Variants in OR56A3 observed in about 807,000 individuals in gnomAD.
OR56A3 encodes olfactory receptor 56A3.
Under a neutral mutation model 17.5 loss-of-function variants are expected in OR56A3, and 23 were observed. The ratio of observed to expected loss-of-function variants is 1.32; its 90% CI spans 0.95 to 1.87. OR56A3 has a LOEUF of 1.87. OR56A3 is among the 40% of genes most tolerant of loss of function. The probability of loss-of-function intolerance (pLI) is 0.00; values close to 1 mark genes in which losing one functional copy is unlikely to be tolerated. For synonymous variants in OR56A3, 175 were observed against 150.6 expected, an observed-to-expected ratio of 1.16 and a Z score of -1.19; for missense variants, 366 against 380.1, an observed-to-expected ratio of 0.96 and a Z score of 0.31.
the OR56A3 span, among the ~76,000 whole-genome samples, chr11:5,975,843 A>G: frequency 1.3e-5 from 2 of 152,004 alleles, no homozygotes; most frequent in East Asian, 1.9e-4. Flanking sequence ...AAGTGTTCCT[A>G]TTTCTCCACA....
At chr11:5,958,754 T>C in the OR56A3 span, among the ~76,000 whole-genome samples, 1 of 152,192 alleles carries the variant, frequency 6.6e-6, no homozygotes, top group Non-Finnish European at 1.5e-5. Flanking sequence ...ATTGCAATTA[T>C]GTATCCTTTG....
intron 2 of OR56A3, among the ~76,000 whole-genome samples, chr11:5,947,011 C>T (rs1847873761): frequency 6.6e-6 from 1 of 152,174 alleles, no homozygotes; most frequent in South Asian, 2.1e-4. Context: ...AGAGTCTCAC[C>T]TGTCACACTA....
the OR56A3 span, among the ~76,000 whole-genome samples, chr11:5,987,896 T>C: frequency 6.6e-6 from 1 of 152,224 alleles, no homozygotes; most frequent in Admixed American, 6.5e-5. Context: ...CATGGGTTTT[T>C]TTTCTAAAAT....
At chr11:5,983,693 G>A in the OR56A3 span, among the ~76,000 whole-genome samples, 12 of 152,104 alleles carry the variant, frequency 7.9e-5, no homozygotes, top group Non-Finnish European at 7.4e-5. Context: ...TCTTCTCTCC[G>A]GTTTCTTCTC....
At chr11:5,946,487 AAAGGAAACTGG>A (rs1192454701) in intron 2 of OR56A3, among the ~76,000 whole-genome samples, 3 of 152,212 alleles carry the variant, frequency 2.0e-5, no homozygotes, top group Non-Finnish European at 4.4e-5. Flanking sequence ...TCAAGATGGA[AAAGGAAACTGG>A]AAGGAGACGG....
At chr11:5,967,826 A>G in the OR56A3 span, 1 of 1,566,028 alleles carries the variant, frequency 6.4e-7, no homozygotes, top group Non-Finnish European at 8.7e-7. Context: ...TTTTCAAGAT[A>G]AAAAAGTAAG....
Position 5,951,219 on chromosome 11 carries a change from G to T in OR56A3, c.*2925G>T, listed in dbSNP as rs72886992. 1 of 151,874 alleles carries T rather than the reference G, an allele frequency of 6.6e-6. No homozygotes were observed. Among genetic ancestry groups the T allele is most frequent in the Non-Finnish European group, 1.5e-5 (1 of 67,940 alleles). The allele number at this position is 151,874 out of a possible 1,614,324, so 9.4% of individuals were successfully genotyped here. A position where few individuals can be genotyped will look rare whatever the true frequency, so the allele number is the denominator to read the frequency against. On this transcript the variant is annotated 3_prime_UTR_variant, in exon 3 of 3. Coordinates refer to ENST00000641160, the MANE Select transcript of OR56A3 (RefSeq NM_001003443.3). ...AGATCCTAAGGAAGAATGTAAATGG[G>T]TATTTACTCATAACAAGTAAGGAAT...
the OR56A3 span, among the ~76,000 whole-genome samples, chr11:5,978,385 C>T: frequency 6.6e-6 from 1 of 152,210 alleles, no homozygotes; most frequent in Admixed American, 6.5e-5. Context: ...TAATTTCTTT[C>T]AGCAGTGTTT....
the OR56A3 span, among the ~76,000 whole-genome samples, chr11:5,973,698 G>C: frequency 2.6e-5 from 4 of 151,920 alleles, no homozygotes; most frequent in Non-Finnish European, 5.9e-5. Flanking sequence ...TTTTCTATCT[G>C]ACCACAAATC....
the OR56A3 span, among the ~76,000 whole-genome samples, chr11:5,993,013 T>C: frequency 6.6e-6 from 1 of 152,206 alleles, no homozygotes; most frequent in African/African-American, 2.4e-5. Context: ...CTTCCCAGTC[T>C]GGGAAGTTCG....
chr11:6,003,088 G>T, the OR56A3 span: 2 of 1,608,106 alleles, frequency 1.2e-6, no homozygotes, highest in Admixed American at 1.7e-5. Context: ...GTAGTAGAGT[G>T]TGGGTTTCCA....
At chr11:5,977,531 A>G in the OR56A3 span, among the ~76,000 whole-genome samples, 5 of 152,178 alleles carry the variant, frequency 3.3e-5, no homozygotes, top group Non-Finnish European at 7.4e-5. Flanking sequence ...GTGTCTGTTC[A>G]TGCCATTTGC....
the OR56A3 span, among the ~76,000 whole-genome samples, chr11:5,973,851 T>C: frequency 2.6e-4 from 39 of 152,262 alleles, no homozygotes; most frequent in African/African-American, 8.7e-4. Context: ...AGGGACAAGA[T>C]TGGGTATTTA....
At chr11:6,015,373 C>A in the OR56A3 span, among the ~76,000 whole-genome samples, 61,434 of 151,940 alleles carry the variant, frequency 0.4, 13,115 homozygotes, top group African/African-American at 0.54. Flanking sequence ...CAAAGTGGCT[C>A]AGGTATACCT....
chr11:5,975,588 T>G, the OR56A3 span, among the ~76,000 whole-genome samples: 1 of 152,138 alleles, frequency 6.6e-6, no homozygotes, highest in African/African-American at 2.4e-5. Context: ...GTGCCACATT[T>G]TCTTCATCCA....
the OR56A3 span, among the ~76,000 whole-genome samples, chr11:6,015,191 A>G: frequency 3.9e-5 from 6 of 151,970 alleles, no homozygotes; most frequent in Non-Finnish European, 5.9e-5. Context: ...GACAATGGGG[A>G]AAAAAAATCT....
the OR56A3 span, chr11:6,003,067 A>G: frequency 1.9e-6 from 3 of 1,613,504 alleles, no homozygotes; most frequent in Non-Finnish European, 2.5e-6. Flanking sequence ...CATAAAAAGT[A>G]CATTCTAGAC....
the OR56A3 span, chr11:6,017,005 C>G: frequency 6.6e-6 from 1 of 151,928 alleles, no homozygotes; most frequent in East Asian, 1.9e-4. Context: ...AGTCTATGGC[C>G]ATACCACCCT....
Position 5,947,316 on chromosome 11 carries a change from T to A in OR56A3, c.-31T>A. On this transcript the variant is annotated 5_prime_UTR_variant, in exon 3 of 3. Coordinates refer to ENST00000641160, the MANE Select transcript of OR56A3 (RefSeq NM_001003443.3). ...TTGTAATCATAATTTTCCAGATCAC[T>A]GAAAGAAAGCAGTAAAATATATGGG... 1 of 1,528,730 alleles carries A rather than the reference T, an allele frequency of 6.5e-7. No individual in the cohort carries two copies. Among genetic ancestry groups the A allele is most frequent in the Non-Finnish European group, 8.8e-7 (1 of 1,131,252 alleles). The allele number at this position is 1,528,730 out of a possible 1,614,324, so 94.7% of individuals were successfully genotyped here.
Sources: allele counts gnomAD v4.1 joint callset (sites outside exome capture counted in the v4.1 genomes callset), GRCh38; gene constraint gnomAD v4.1.1; transcripts MANE v1.5; gene names NCBI Gene and HGNC (gene_info 2026-07-23, HGNC 2026-07-21).